Variants in KIAA0825 observed in about 807,000 individuals in gnomAD.
The protein encoded by KIAA0825 is KIAA0825.
In KIAA0825, 119 loss-of-function variants were observed where a neutral mutation model predicts 147.6. The ratio of observed to expected loss-of-function variants is 0.81; its 90% CI spans 0.69 to 0.94. The LOEUF (loss-of-function observed/expected upper bound fraction) is 0.94, where lower values mean the gene tolerates loss of function less well. Among genes scored for constraint, KIAA0825 ranks in the 40% least tolerant of loss-of-function variants. The pLI is 0.00. For missense variants in KIAA0825, 1,381 were observed against 1,472.7 expected (o/e 0.94, Z 1.02); for synonymous variants, 470 against 518.1 (o/e 0.91, Z 1.26).
At chr5:94,428,902 T>C (rs1584467219) in intron 14 of KIAA0825, among the ~76,000 whole-genome samples, 1 of 152,152 alleles carries the variant, frequency 6.6e-6, no homozygotes, top group East Asian at 1.9e-4. Context: ...TCTAAAATTA[T>C]TTTTTCTTTA....
chr5:94,401,567 A>G (rs1203791294), intron 16 of KIAA0825, among the ~76,000 whole-genome samples: 3 of 152,046 alleles, frequency 2.0e-5, no homozygotes, highest in Non-Finnish European at 2.9e-5. Context: ...AGAGCATGGC[A>G]CCCCTGCTCT....
chr5:94,491,793 A>T (rs1763767331), intron 5 of KIAA0825, among the ~76,000 whole-genome samples: 1 of 152,208 alleles, frequency 6.6e-6, no homozygotes. Flanking sequence ...TCTTTTGAGG[A>T]GGCTTCCGTA....
intron 20 of KIAA0825, among the ~76,000 whole-genome samples, chr5:94,333,359 G>A (rs1009593031): frequency 6.6e-6 from 1 of 152,130 alleles, no homozygotes; most frequent in African/African-American, 2.4e-5. Flanking sequence ...TCTCGTTTTA[G>A]GTCTTGTGTT....
chr5:94,442,150 G>C (rs1382645545), intron 13 of KIAA0825, among the ~76,000 whole-genome samples: 2 of 152,126 alleles, frequency 1.3e-5, no homozygotes, highest in African/African-American at 2.4e-5. Flanking sequence ...TTGCCAAAAG[G>C]CTGGCTTAAA....
intron 20 of KIAA0825, among the ~76,000 whole-genome samples, chr5:94,360,520 G>A (rs1176790379): frequency 6.6e-6 from 1 of 152,158 alleles, no homozygotes; most frequent in Admixed American, 6.5e-5. Flanking sequence ...ACAGGTTGTA[G>A]TAAAGAAGCC....
At chr5:94,227,735 C>T (rs1774334687) in intron 20 of KIAA0825, among the ~76,000 whole-genome samples, 1 of 151,782 alleles carries the variant, frequency 6.6e-6, no homozygotes, top group Admixed American at 6.6e-5. Context: ...GAAAACCAAA[C>T]ACTGCATGTT....
At chr5:94,521,134 T>C (rs1198486768) in intron 4 of KIAA0825, among the ~76,000 whole-genome samples, 1 of 151,902 alleles carries the variant, frequency 6.6e-6, no homozygotes, top group Non-Finnish European at 1.5e-5. Context: ...CAAACCTAGC[T>C]GATTATCTTT....
chr5:94,427,072 A>G (rs942702358), intron 14 of KIAA0825, among the ~76,000 whole-genome samples: 1 of 152,224 alleles, frequency 6.6e-6, no homozygotes, highest in Non-Finnish European at 1.5e-5. Context: ...AAAATTTGCC[A>G]GCCCCTGTTC....
chr5:94,186,475 G>A (rs1047400978), intron 20 of KIAA0825, among the ~76,000 whole-genome samples: 2 of 152,132 alleles, frequency 1.3e-5, no homozygotes, highest in African/African-American at 4.8e-5. Flanking sequence ...AGGGATATGT[G>A]ATAATAAATA....
At chr5:94,182,331 C>T (rs1308149089) in intron 20 of KIAA0825, among the ~76,000 whole-genome samples, 5 of 124,438 alleles carry the variant, frequency 4.0e-5, no homozygotes, top group Admixed American at 1.1e-4. Flanking sequence ...ATGATCTTGG[C>T]TCACTGAAGC....
intron 1 of KIAA0825, chr5:94,593,294 T>C (rs1021347927): frequency 2.6e-6 from 2 of 780,238 alleles, no homozygotes; most frequent in Non-Finnish European, 4.7e-6. Flanking sequence ...ATGGGAAAAA[T>C]AGCTGATATT....
At chr5:94,306,961 C>T (rs1431944148) in intron 20 of KIAA0825, among the ~76,000 whole-genome samples, 2 of 151,756 alleles carry the variant, frequency 1.3e-5, no homozygotes, top group African/African-American at 4.8e-5. Flanking sequence ...GTACATGATG[C>T]GTAGGGCTTA....
intron 20 of KIAA0825, among the ~76,000 whole-genome samples, chr5:94,260,781 T>A (rs546724629): frequency 7.9e-5 from 12 of 152,270 alleles, no homozygotes; most frequent in Non-Finnish European, 1.5e-4. Flanking sequence ...CGGTATGATG[T>A]GGCACTCAGC....
chr5:94,421,816 A>T (rs933066074), intron 14 of KIAA0825, among the ~76,000 whole-genome samples: 3 of 152,100 alleles, frequency 2.0e-5, no homozygotes, highest in African/African-American at 7.2e-5. Flanking sequence ...TCTACTTCAG[A>T]CCTCATTCAT....
At chr5:94,539,414 G>A (rs888080713) in intron 2 of KIAA0825, among the ~76,000 whole-genome samples, 1 of 152,316 alleles carries the variant, frequency 6.6e-6, no homozygotes, top group African/African-American at 2.4e-5. Flanking sequence ...AGAACCCTCT[G>A]TTGGGGTCTG....
chr5:94,251,902 C>T (rs1286108507), intron 20 of KIAA0825, among the ~76,000 whole-genome samples: 1 of 151,792 alleles, frequency 6.6e-6, no homozygotes, highest in Non-Finnish European at 1.5e-5. Flanking sequence ...CATTTGGGTA[C>T]CACTCTCTAA....
rs1015277695 is a variant in KIAA0825, at chr5:94,346,617, T to C, written c.3710+37751A>G. On this transcript the variant is annotated intron_variant, in intron 20 of 20. Transcript: ENST00000682413. ...CGACTTTACCTGGAGCTGAGTCTAT[T>C]TGGAGAGCCGAGCGAAATACAGGGG... 3.3e-5 allele frequency among the ~76,000 whole-genome samples: 5 copies of C among 152,120 alleles called. No homozygotes were observed. In the South Asian group the frequency reaches 6.2e-4, roughly 19 times the overall value.
At chr5:94,230,455 C>T (rs1774593680) in intron 20 of KIAA0825, among the ~76,000 whole-genome samples, 1 of 152,042 alleles carries the variant, frequency 6.6e-6, no homozygotes, top group Non-Finnish European at 1.5e-5. Flanking sequence ...TGGGCGAATC[C>T]CCCTACTTTG....
chr5:94,242,333 C>G (rs1399018885), intron 20 of KIAA0825, among the ~76,000 whole-genome samples: 1 of 152,194 alleles, frequency 6.6e-6, no homozygotes, highest in Non-Finnish European at 1.5e-5. Context: ...TTACCACTAT[C>G]AGCATGCTTT....
Sources: allele counts gnomAD v4.1 joint callset (sites outside exome capture counted in the v4.1 genomes callset), GRCh38; gene constraint gnomAD v4.1.1; transcripts MANE v1.5; gene names NCBI Gene and HGNC (gene_info 2026-07-23, HGNC 2026-07-21).